ABCC9: variants seen among roughly 807,000 people sequenced by gnomAD.
ABCC9 encodes ATP-binding cassette sub-family C member 9.
Under a neutral mutation model 188.3 loss-of-function variants are expected in ABCC9, and 95 were observed. The observed-to-expected ratio is 0.50, with a 90% CI of 0.43 to 0.60. ABCC9 has a LOEUF of 0.60. Ranked by LOEUF, ABCC9 falls within the 20% of genes least tolerant of loss-of-function variation. The pLI, the probability that ABCC9 is intolerant of heterozygous loss-of-function variation, is 0.00. For synonymous variants in ABCC9, 659 were observed against 652.7 expected (o/e 1.01, Z -0.15); for missense variants, 1,102 against 1,876.3 (o/e 0.59, Z 7.62).
At chr12:21,900,606 A>C (rs879040964) in intron 12 of ABCC9, among the ~76,000 whole-genome samples, 1 of 152,188 alleles carries the variant, frequency 6.6e-6, no homozygotes, top group Non-Finnish European at 1.5e-5. Context: ...AGTGTAGAGA[A>C]GTCCTTCAAT....
intron 4 of ABCC9, among the ~76,000 whole-genome samples, chr12:21,930,666 T>C (rs947650990): frequency 6.6e-5 from 10 of 152,196 alleles, no homozygotes; most frequent in African/African-American, 2.4e-4. Context: ...CAGAAATGTT[T>C]ATAGCATTTT....
chr12:21,900,425 A>C (rs1009308789), intron 12 of ABCC9, among the ~76,000 whole-genome samples: 10 of 152,214 alleles, frequency 6.6e-5, no homozygotes, highest in African/African-American at 2.4e-4. Context: ...AAAAGAACGC[A>C]GCTCCTCACC....
At chr12:21,817,053 C>A in intron 33 of ABCC9, 134 bp downstream of exon 33, 2 of 1,000,042 alleles carry the variant, frequency 2.0e-6, no homozygotes, top group Non-Finnish European at 1.5e-6. Flanking sequence ...CATAATCAAG[C>A]AAAGCCAAGA....
intron 22 of ABCC9, among the ~76,000 whole-genome samples, chr12:21,858,249 A>G (rs2137484177): frequency 6.6e-6 from 1 of 152,140 alleles, no homozygotes; most frequent in South Asian, 2.1e-4. Context: ...TCAAGAAGTC[A>G]TTTCTAGTTG....
intron 4 of ABCC9, among the ~76,000 whole-genome samples, chr12:21,928,441 A>G (rs1354194310): frequency 1.4e-5 from 2 of 145,270 alleles, no homozygotes; most frequent in African/African-American, 5.2e-5. Flanking sequence ...AAAAGAAAAG[A>G]AAAGAAGGGA....
chr12:21,926,042 G>A lies in ABCC9; in HGVS notation c.306C>T (p.Leu102=), dbSNP rs994917919. The change falls in exon 5 of 40, where the codon CTC becomes CTT. Residue 102 remains leucine, a synonymous_variant. Transcript: ENST00000261200. ...VSDSRRESRH[L]HLFMPAVMGF... is the part of the protein sequence containing the mutation. Reference sequence around the variant, plus strand: ...CCATCACGGCTGGCATAAAGAGGTGGAGGTGCCTTGATTCCCGCCGCCTAG... The same window carrying A: ...CCATCACGGCTGGCATAAAGAGGTGAAGGTGCCTTGATTCCCGCCGCCTAG... 6 of 1,613,972 alleles carry A rather than the reference G, an allele frequency of 3.7e-6. No individual in the cohort carries two copies. Among genetic ancestry groups the A allele is most frequent in the Admixed American group, 1.7e-5 (1 of 59,996 alleles).
intron 13 of ABCC9, among the ~76,000 whole-genome samples, chr12:21,894,744 G>A (rs965157433): frequency 2.6e-5 from 4 of 152,082 alleles, no homozygotes; most frequent in African/African-American, 7.2e-5. Flanking sequence ...CCAGTTAGCC[G>A]GGACTACAGG....
intron 5 of ABCC9, chr12:21,925,277 C>G: frequency 2.1e-6 from 1 of 487,316 alleles, no homozygotes. Flanking sequence ...ATAATTTTGA[C>G]CCAAGGCAAA....
chr12:21,873,546 T>C (rs1946185065), intron 17 of ABCC9, among the ~76,000 whole-genome samples: 1 of 152,168 alleles, frequency 6.6e-6, no homozygotes, highest in Non-Finnish European at 1.5e-5. Context: ...CAGCATTTTT[T>C]ACAGAAATAG....
At chr12:21,864,514 G>A in intron 18 of ABCC9, 37 bp from the exon 19 acceptor site, 3 of 1,466,222 alleles carry the variant, frequency 2.0e-6, no homozygotes, top group East Asian at 2.3e-5. Context: ...TAATTATGAA[G>A]TAGAAATATA....
chr12:21,821,406 C>T (rs1943029876), intron 31 of ABCC9, among the ~76,000 whole-genome samples: 1 of 151,714 alleles, frequency 6.6e-6, no homozygotes, highest in Admixed American at 6.6e-5. Context: ...CATTCAGTTC[C>T]AAATTATTAT....
intron 36 of ABCC9, among the ~76,000 whole-genome samples, chr12:21,811,024 C>T (rs1942199715): frequency 6.6e-6 from 1 of 152,082 alleles, no homozygotes; most frequent in Admixed American, 6.6e-5. Flanking sequence ...TGTGTTCCCA[C>T]CCAAATCTCA....
At chr12:21,826,196 G>A (rs1166761802) in intron 31 of ABCC9, among the ~76,000 whole-genome samples, 1 of 152,038 alleles carries the variant, frequency 6.6e-6, no homozygotes. Context: ...CAACAAAGAG[G>A]GGGTTGTGTT....
intron 8 of ABCC9, among the ~76,000 whole-genome samples, chr12:21,911,748 C>T (rs1464994129): frequency 6.6e-6 from 1 of 151,914 alleles, no homozygotes; most frequent in Non-Finnish European, 1.5e-5. Context: ...ATGTGCAAGT[C>T]CTATTCTTTC....
intron 35 of ABCC9, 71 bp downstream of exon 35, chr12:21,814,573 A>C: frequency 6.3e-6 from 8 of 1,270,024 alleles, no homozygotes; most frequent in Non-Finnish European, 9.2e-6. Flanking sequence ...TTTCTGCAGG[A>C]TTAGGTAAAT....
chr12:21,865,119 CTAATTTTTTA>C (rs2137533599), intron 18 of ABCC9, among the ~76,000 whole-genome samples: 1 of 152,154 alleles, frequency 6.6e-6, no homozygotes, highest in East Asian at 1.9e-4. Flanking sequence ...TTTTATTGTT[CTAATTTTTTA>C]TAATTTAGGG....
intron 22 of ABCC9, among the ~76,000 whole-genome samples, chr12:21,854,879 A>T (rs1945144903): frequency 6.6e-6 from 1 of 152,218 alleles, no homozygotes. Flanking sequence ...ATATCTCCAC[A>T]GCAATGGAAA....
chr12:21,907,137 A>G (rs1948084455), intron 11 of ABCC9, among the ~76,000 whole-genome samples: 1 of 152,058 alleles, frequency 6.6e-6, no homozygotes, highest in Non-Finnish European at 1.5e-5. Flanking sequence ...TGATTGTTCA[A>G]TGAGTGAATG....
intron 31 of ABCC9, chr12:21,828,430 G>T (rs1454195859): frequency 2.1e-5 from 4 of 189,312 alleles, no homozygotes; most frequent in Non-Finnish European, 4.4e-5. Context: ...TACAGATGAG[G>T]AACTGGGACT....
Sources: gnomAD v4.1 joint callset for allele counts (sites outside exome capture counted in the v4.1 genomes callset) on GRCh38, gnomAD v4.1.1 for gene constraint, MANE v1.5 for transcripts, NCBI Gene and HGNC (gene_info 2026-07-23, HGNC 2026-07-21) for gene names.